MYO1E: variants seen among roughly 807,000 people sequenced by gnomAD.
MYO1E encodes myosin IE.
MYO1E carries 68 observed loss-of-function variants against 151.1 expected under a neutral mutation model. The observed-to-expected ratio is 0.45, with a 90% CI of 0.37 to 0.55. MYO1E has a LOEUF of 0.55. Ranked by LOEUF, MYO1E falls within the 20% of genes least tolerant of loss-of-function variation. MYO1E has a pLI of 0.00. For missense variants in MYO1E, 1,363 were observed against 1,389.3 expected (o/e 0.98, Z 0.30); for synonymous variants, 601 against 501.7 (o/e 1.20, Z -2.64).
At chr15:59,174,783 C>T (rs1343526273) in intron 19 of MYO1E, among the ~76,000 whole-genome samples, 1 of 151,978 alleles carries the variant, frequency 6.6e-6, no homozygotes, top group African/African-American at 2.4e-5. Context: ...TCAGGATTCA[C>T]CAAGGACCAG....
At chr15:59,216,666 GTATATATATATATA>G (rs368761394) in intron 10 of MYO1E, among the ~76,000 whole-genome samples, 1 of 30,884 alleles carries the variant, frequency 3.2e-5, no homozygotes, top group Admixed American at 3.5e-4. Flanking sequence ...GTGTGTATGT[GTATATATATATATA>G]TATATACACA....
intron 17 of MYO1E, among the ~76,000 whole-genome samples, chr15:59,188,591 G>C (rs557616422): frequency 6.6e-6 from 1 of 152,152 alleles, no homozygotes; most frequent in African/African-American, 2.4e-5. Context: ...AGCTACTCGG[G>C]AGGCTGAGGC....
At chr15:59,153,926 A>G (rs2079495916) in intron 25 of MYO1E, 135 bp from the exon 26 acceptor site, 1 of 811,532 alleles carries the variant, frequency 1.2e-6, no homozygotes, top group South Asian at 1.5e-5. Flanking sequence ...TTTGAAAAAA[A>G]TGGAAGGCAT....
chr15:59,139,865 CATT>C (rs1474647937), intron 26 of MYO1E, among the ~76,000 whole-genome samples: 1 of 149,736 alleles, frequency 6.7e-6, no homozygotes, highest in Non-Finnish European at 1.5e-5. Context: ...CCCACCCCCT[CATT>C]ATTAATCCAC....
At chr15:59,205,035 G>A (rs527394184) in intron 15 of MYO1E, among the ~76,000 whole-genome samples, 1 of 152,274 alleles carries the variant, frequency 6.6e-6, no homozygotes, top group East Asian at 1.9e-4. Context: ...GGGAGAGACT[G>A]ATATAGAGAA....
At chr15:59,164,019 G>C (rs1328869656) in intron 22 of MYO1E, among the ~76,000 whole-genome samples, 1 of 152,206 alleles carries the variant, frequency 6.6e-6, no homozygotes, top group Non-Finnish European at 1.5e-5. Flanking sequence ...TGGGATTGTG[G>C]AGAAATTTAT....
chr15:59,265,472 A>G (rs1439209110), intron 2 of MYO1E, among the ~76,000 whole-genome samples: 2 of 152,042 alleles, frequency 1.3e-5, no homozygotes, highest in South Asian at 2.1e-4. Context: ...ATAAATTCTG[A>G]TTAGGGCCTG....
At chr15:59,355,773 T>C (rs2080849517) in intron 1 of MYO1E, among the ~76,000 whole-genome samples, 1 of 152,060 alleles carries the variant, frequency 6.6e-6, no homozygotes, top group Non-Finnish European at 1.5e-5. Flanking sequence ...TGGAGTACAG[T>C]GGCATGATCA....
chr15:59,135,107 C>CACTT lies in MYO1E; in HGVS notation c.*2269_*2272dup, dbSNP rs1442335995. The CACTT allele has an allele frequency of 1.3e-5, 2 of 152,178 alleles. No homozygotes were observed. Among genetic ancestry groups the CACTT allele is most frequent in the Non-Finnish European group, 2.9e-5 (2 of 68,056 alleles). The allele number at this position is 152,178 out of a possible 1,614,324, so 9.4% of individuals were successfully genotyped here. A position where few individuals can be genotyped will look rare whatever the true frequency, so the allele number is the denominator to read the frequency against. On this transcript the variant is annotated 3_prime_UTR_variant, in exon 28 of 28. Transcript: ENST00000288235. ...ATCTAAGTCTCCTTCCCCTGTGGGTCACTTACCTATTTCAGCACCATTTGT... is the reference window on the plus strand; with the variant it reads ...ATCTAAGTCTCCTTCCCCTGTGGGTCACTTACTTACCTATTTCAGCACCATTTGT...
intron 2 of MYO1E, among the ~76,000 whole-genome samples, chr15:59,270,415 C>G (rs1402939774): frequency 1.3e-5 from 2 of 151,664 alleles, no homozygotes. Context: ...ATCGTGGTGT[C>G]TGCCTGTAGT....
intron 2 of MYO1E, among the ~76,000 whole-genome samples, chr15:59,263,579 T>C (rs1596390388): frequency 6.6e-6 from 1 of 152,220 alleles, no homozygotes; most frequent in South Asian, 2.1e-4. Flanking sequence ...TTTTAGATTA[T>C]TGTGCATATA....
At chr15:59,178,670 G>A (rs922598152) in intron 18 of MYO1E, 133 bp from the exon 19 acceptor site, 31 of 1,228,200 alleles carry the variant, frequency 2.5e-5, no homozygotes, top group South Asian at 1.5e-4. Flanking sequence ...GTTTACCAGC[G>A]TTCGAAGGCT....
chr15:59,151,058 C>CGCACGT (rs2079474574), intron 26 of MYO1E, among the ~76,000 whole-genome samples: 1 of 145,850 alleles, frequency 6.9e-6, no homozygotes, highest in Non-Finnish European at 1.5e-5. Context: ...CACGCGCGCG[C>CGCACGT]GCGCACGTGC....
At chr15:59,228,209 G>A (rs935669847) in intron 6 of MYO1E, among the ~76,000 whole-genome samples, 8 of 152,114 alleles carry the variant, frequency 5.3e-5, no homozygotes, top group African/African-American at 1.7e-4. Context: ...ATAGCCAGGC[G>A]CGGTGGCTCA....
At chr15:59,323,529 G>C (rs543749170) in intron 1 of MYO1E, among the ~76,000 whole-genome samples, 1 of 150,798 alleles carries the variant, frequency 6.6e-6, no homozygotes, top group Admixed American at 6.6e-5. Flanking sequence ...GGTGGTGGGC[G>C]CTTGCAGTCC....
At chr15:59,337,211 G>C (rs1174667215) in intron 1 of MYO1E, among the ~76,000 whole-genome samples, 1 of 152,058 alleles carries the variant, frequency 6.6e-6, no homozygotes, top group African/African-American at 2.4e-5. Flanking sequence ...AAGATGACAA[G>C]AGCCAGGATT....
intron 4 of MYO1E, among the ~76,000 whole-genome samples, chr15:59,241,113 C>T (rs761599141): frequency 6.6e-6 from 1 of 152,084 alleles, no homozygotes; most frequent in Non-Finnish European, 1.5e-5. Flanking sequence ...AGGTGTGTTG[C>T]GTGTGTGTAT....
rs774913607 is a variant in MYO1E, at chr15:59,325,601, A to G, written c.3+46897T>C. Among the ~76,000 whole-genome samples, 90 of 152,216 alleles carry G rather than the reference A, an allele frequency of 5.9e-4. 1 individual carries two copies. Among genetic ancestry groups the G allele is most frequent in the Non-Finnish European group, 1.8e-4 (12 of 68,032 alleles). ...CACTAAAATGTATACATGTCCAATC[A>G]TTTTGTTAGCTTTTTTCCATGAAGG... On this transcript the variant is annotated intron_variant, in intron 1 of 27. Transcript: ENST00000288235.
chr15:59,269,296 C>T (rs995978015), intron 2 of MYO1E, among the ~76,000 whole-genome samples: 3 of 152,042 alleles, frequency 2.0e-5, no homozygotes, highest in Admixed American at 6.6e-5. Flanking sequence ...TTTACAGGTA[C>T]GGAAAGCAAG....
Sources: gnomAD v4.1 joint callset for allele counts (sites outside exome capture counted in the v4.1 genomes callset) on GRCh38, gnomAD v4.1.1 for gene constraint, MANE v1.5 for transcripts, NCBI Gene and HGNC (gene_info 2026-07-23, HGNC 2026-07-21) for gene names.